ORC3: variants seen among roughly 807,000 people sequenced by gnomAD.
ORC3 encodes the protein origin recognition complex subunit 3.
ORC3 carries 78 observed loss-of-function variants against 100.7 expected under a neutral mutation model. The ratio of observed to expected loss-of-function variants is 0.77; its 90% CI spans 0.65 to 0.94. ORC3 has a LOEUF of 0.94. ORC3 is among the 40% of genes least tolerant of loss of function. The pLI is 0.00. For synonymous variants in ORC3, 295 were observed against 289.3 expected, an observed-to-expected ratio of 1.02 and a Z score of -0.20; for missense variants, 789 against 823.9, an observed-to-expected ratio of 0.96 and a Z score of 0.52.
Position 87,612,147 on chromosome 6 carries a change from A to G in ORC3, c.772A>G (p.Ile258Val), listed in dbSNP as rs1323225723. Reference sequence around the variant, plus strand: ...TTTTGGAATAGCCACATCTCCTATTATCATCCACCGATTGCTTCCTCATGC... The same window carrying G: ...TTTTGGAATAGCCACATCTCCTATTGTCATCCACCGATTGCTTCCTCATGC... Reference protein sequence around the residue: ...LIFGIATSPIIIHRLLPHAVS... With the variant: ...LIFGIATSPIVIHRLLPHAVS... Residue 258 changes from isoleucine (I) to valine (V), a missense_variant, in exon 8 of 20, where the codon ATC becomes GTC. Physicochemically the swap from Ile to Val is conservative, Grantham distance 29 (BLOSUM62 3). Around this residue, in one of 3 missense-constraint regions of ORC3, gnomAD observed 399 missense variants for 382.0 expected, o/e 1.04. Transcript: ENST00000392844. The G allele has an allele frequency of 1.2e-6, 2 of 1,613,716 alleles. No individual in the cohort carries two copies. The highest frequency in any genetic ancestry group is 1.1e-5 in the South Asian group (1 of 91,056).
At chr6:87,630,850 G>C (rs58305152) in intron 11 of ORC3, among the ~76,000 whole-genome samples, 2 of 151,872 alleles carry the variant, frequency 1.3e-5, no homozygotes, top group African/African-American at 4.8e-5. Flanking sequence ...AGAAGAGCAA[G>C]GAGGCTGTTA....
intron 6 of ORC3, 105 bp from the exon 7 acceptor site, chr6:87,608,991 T>C: frequency 1.1e-6 from 1 of 876,078 alleles, no homozygotes; most frequent in Non-Finnish European, 1.7e-6. Flanking sequence ...AAATAAACAG[T>C]GTTATTGTGA....
At chr6:87,620,596 G>A (rs1200269394) in intron 9 of ORC3, among the ~76,000 whole-genome samples, 1 of 152,146 alleles carries the variant, frequency 6.6e-6, no homozygotes, top group Non-Finnish European at 1.5e-5. Flanking sequence ...CAGTATCAGG[G>A]TACCTGAAAA....
the ORC3 span, among the ~76,000 whole-genome samples, chr6:87,672,496 T>G: frequency 6.6e-6 from 1 of 152,206 alleles, no homozygotes. Flanking sequence ...GTGGGAGCCA[T>G]GTATCCATGA....
intron 11 of ORC3, among the ~76,000 whole-genome samples, chr6:87,633,807 A>G (rs536192862): frequency 1.3e-5 from 2 of 152,342 alleles, no homozygotes; most frequent in East Asian, 3.9e-4. Flanking sequence ...AAGTGGTTAT[A>G]AAAGGAATTG....
chr6:87,620,220 T>C (rs1461464091), intron 9 of ORC3, among the ~76,000 whole-genome samples: 1 of 152,236 alleles, frequency 6.6e-6, no homozygotes, highest in East Asian at 1.9e-4. Context: ...ATTTTTCTCA[T>C]GTCCGAAAAG....
chr6:87,668,438 A>G (rs1392243482), downstream of ORC3, among the ~76,000 whole-genome samples: 1 of 152,208 alleles, frequency 6.6e-6, no homozygotes, highest in Non-Finnish European at 1.5e-5. Flanking sequence ...AAAACCCAAA[A>G]TGCTCCAGTG....
chr6:87,671,621 T>A (rs549253052), downstream of ORC3, among the ~76,000 whole-genome samples: 7 of 152,024 alleles, frequency 4.6e-5, no homozygotes, highest in African/African-American at 1.7e-4. Flanking sequence ...TGCAGGGAAA[T>A]GAAGATTGGG....
chr6:87,599,906 G>T (rs1160155845), intron 2 of ORC3, among the ~76,000 whole-genome samples: 2 of 152,144 alleles, frequency 1.3e-5, no homozygotes, highest in African/African-American at 4.8e-5. Flanking sequence ...CTGGGAGGCG[G>T]AGGTTGCAGT....
At chr6:87,673,631 A>G in the ORC3 span, among the ~76,000 whole-genome samples, 2 of 151,912 alleles carry the variant, frequency 1.3e-5, no homozygotes, top group Non-Finnish European at 2.9e-5. Flanking sequence ...TCATGAGGTC[A>G]AGAGATCGAG....
intron 11 of ORC3, among the ~76,000 whole-genome samples, chr6:87,623,344 C>T (rs1779661373): frequency 6.6e-6 from 1 of 152,180 alleles, no homozygotes; most frequent in African/African-American, 2.4e-5. Flanking sequence ...GGTTCTCAGA[C>T]CTCCATGCAG....
intron 2 of ORC3, among the ~76,000 whole-genome samples, chr6:87,597,438 C>T (rs1777532143): frequency 6.6e-6 from 1 of 152,018 alleles, no homozygotes; most frequent in South Asian, 2.1e-4. Context: ...ATTAGAATCT[C>T]AAGAGTGGGG....
intron 11 of ORC3, among the ~76,000 whole-genome samples, chr6:87,627,683 CTTATG>C (rs1471425049): frequency 6.6e-6 from 1 of 151,918 alleles, no homozygotes; most frequent in African/African-American, 2.4e-5. Flanking sequence ...TTATAATACT[CTTATG>C]TTATATAGTT....
intron 12 of ORC3, among the ~76,000 whole-genome samples, chr6:87,635,845 A>G (rs1267774239): frequency 2.0e-5 from 3 of 152,052 alleles, no homozygotes; most frequent in Non-Finnish European, 2.9e-5. Flanking sequence ...GCCTTAAATG[A>G]GCCTCTTTTT....
chr6:87,657,368 G>T (rs527758187), intron 15 of ORC3, among the ~76,000 whole-genome samples: 1 of 152,248 alleles, frequency 6.6e-6, no homozygotes, highest in South Asian at 2.1e-4. Flanking sequence ...TACTTTCCTT[G>T]ATTTTTTAAA....
At chr6:87,653,289 A>C in intron 14 of ORC3, 40 bp downstream of exon 14, 1 of 1,584,132 alleles carries the variant, frequency 6.3e-7, no homozygotes, top group Non-Finnish European at 8.6e-7. Context: ...TGGCCATGAC[A>C]GTCATTTAAC....
At chr6:87,596,161 T>G (rs1397055980) in intron 2 of ORC3, among the ~76,000 whole-genome samples, 6 of 122,728 alleles carry the variant, frequency 4.9e-5, no homozygotes, top group African/African-American at 7.3e-5. Context: ...TTTGTTTTTG[T>G]TTTTTTTTTT....
intron 16 of ORC3, among the ~76,000 whole-genome samples, chr6:87,658,700 A>G (rs1251095779): frequency 6.6e-6 from 1 of 152,186 alleles, no homozygotes; most frequent in Non-Finnish European, 1.5e-5. Flanking sequence ...AAGCCCAGAA[A>G]GTAGAGCAGA....
chr6:87,674,121 T>C, the ORC3 span, among the ~76,000 whole-genome samples: 1 of 151,776 alleles, frequency 6.6e-6, no homozygotes, highest in Non-Finnish European at 1.5e-5. Context: ...GCCAAAATGG[T>C]GAAACCCTGT....
Sources: gnomAD v4.1 joint callset for allele counts (sites outside exome capture counted in the v4.1 genomes callset) on GRCh38, gnomAD v4.1.1 for gene constraint, gnomAD v4.1.1 regional missense constraint, MANE v1.5 for transcripts, NCBI Gene and HGNC (gene_info 2026-07-23, HGNC 2026-07-21) for gene names.